The following LINGO2 variants were observed in gnomAD, a reference collection of about 807,000 sequenced individuals.
LINGO2 encodes leucine rich repeat and Ig domain containing 2, also known as leucine-rich repeat and immunoglobulin-like domain-containing nogo receptor-interacting protein 2.
LINGO2 carries 14 observed loss-of-function variants against 30.6 expected under a neutral mutation model. The ratio of observed to expected loss-of-function variants is 0.46; its 90% CI spans 0.30 to 0.72. The LOEUF (loss-of-function observed/expected upper bound fraction) is 0.72, where lower values mean the gene tolerates loss of function less well. Ranked by LOEUF, LINGO2 falls within the 30% of genes least tolerant of loss-of-function variation. The pLI is 0.07. For synonymous variants in LINGO2, 317 were observed against 288.5 expected (o/e 1.10, Z -1.00); for missense variants, 729 against 751.7 (o/e 0.97, Z 0.35).
chr9:28,717,342 TAA>T, the LINGO2 span, among the ~76,000 whole-genome samples: 124 of 112,236 alleles, frequency 1.1e-3, no homozygotes, highest in African/African-American at 1.6e-3. Flanking sequence ...GACCCTAATC[TAA>T]AAAAAAAAAA....
At chr9:29,212,297 C>G in the LINGO2 span, among the ~76,000 whole-genome samples, 1 of 151,868 alleles carries the variant, frequency 6.6e-6, no homozygotes, top group Non-Finnish European at 1.5e-5. Context: ...GCTCTCCGCG[C>G]TCACCCCGCC....
the LINGO2 span, among the ~76,000 whole-genome samples, chr9:28,895,847 A>G: frequency 6.6e-6 from 1 of 152,114 alleles, no homozygotes; most frequent in Admixed American, 6.6e-5. Context: ...AGGGGAAAAA[A>G]AACTTCATTT....
intron 4 of LINGO2, among the ~76,000 whole-genome samples, chr9:28,110,074 C>T (rs1374912221): frequency 1.3e-5 from 2 of 152,036 alleles, no homozygotes; most frequent in Admixed American, 1.3e-4. Flanking sequence ...AGAATAGAGA[C>T]CTCAGAAATA....
the LINGO2 span, among the ~76,000 whole-genome samples, chr9:29,074,144 A>C: frequency 0.038 from 5,727 of 152,254 alleles, 136 homozygotes; most frequent in South Asian, 0.094. Flanking sequence ...TTATATTTTA[A>C]CAAGGATGCA....
At chr9:28,452,204 C>G (rs977175000) in intron 2 of LINGO2, among the ~76,000 whole-genome samples, 1 of 151,648 alleles carries the variant, frequency 6.6e-6, no homozygotes, top group Non-Finnish European at 1.5e-5. Flanking sequence ...CAGACAATTA[C>G]TCTCATTTAC....
intron 4 of LINGO2, among the ~76,000 whole-genome samples, chr9:28,052,770 G>A (rs1824735591): frequency 6.6e-6 from 1 of 152,054 alleles, no homozygotes. Flanking sequence ...AAGTGGGAGA[G>A]AAGAGACATC....
intron 5 of LINGO2, among the ~76,000 whole-genome samples, chr9:27,994,411 A>G (rs886603335): frequency 1.4e-4 from 21 of 152,160 alleles, no homozygotes; most frequent in African/African-American, 4.8e-4. Flanking sequence ...AAAGAACCAA[A>G]TAAGTAAAAT....
chr9:28,105,819 G>C (rs1171070000), intron 4 of LINGO2, among the ~76,000 whole-genome samples: 2 of 152,118 alleles, frequency 1.3e-5, no homozygotes, highest in East Asian at 3.9e-4. Context: ...GCCAGGAGGA[G>C]AGCCCTCACA....
chr9:28,239,814 C>T (rs1366635994), intron 4 of LINGO2, among the ~76,000 whole-genome samples: 1 of 152,052 alleles, frequency 6.6e-6, no homozygotes, highest in Non-Finnish European at 1.5e-5. Context: ...AAATAAAGGG[C>T]ATCCAAATTG....
chr9:28,865,563 A>G, the LINGO2 span, among the ~76,000 whole-genome samples: 1 of 152,116 alleles, frequency 6.6e-6, no homozygotes, highest in African/African-American at 2.4e-5. Context: ...CGGGAGGATC[A>G]TGAGGTCAGG....
chr9:28,173,051 A>G (rs1217922271), intron 4 of LINGO2, among the ~76,000 whole-genome samples: 1 of 152,158 alleles, frequency 6.6e-6, no homozygotes, highest in Non-Finnish European at 1.5e-5. Context: ...TGTAATCTGA[A>G]GGCTCCAATT....
intron 5 of LINGO2, among the ~76,000 whole-genome samples, chr9:27,969,307 A>T (rs1820246043): frequency 6.6e-6 from 1 of 152,108 alleles, no homozygotes; most frequent in Non-Finnish European, 1.5e-5. Context: ...AGTATGTACA[A>T]CTAGGTGAAC....
the LINGO2 span, among the ~76,000 whole-genome samples, chr9:28,881,259 G>A: frequency 6.6e-6 from 1 of 152,006 alleles, no homozygotes; most frequent in Admixed American, 6.6e-5. Context: ...GAGTAGCTGG[G>A]ATTACAGGTA....
intron 1 of LINGO2, among the ~76,000 whole-genome samples, chr9:28,661,139 C>T (rs531178963): frequency 1.3e-5 from 2 of 150,518 alleles, no homozygotes; most frequent in East Asian, 1.9e-4. Flanking sequence ...CAATAAGATG[C>T]AGAAAAATAT....
intron 1 of LINGO2, among the ~76,000 whole-genome samples, chr9:28,513,179 C>CA (rs1408970833): frequency 1.3e-5 from 2 of 151,502 alleles, no homozygotes; most frequent in African/African-American, 4.9e-5. Context: ...AACAAACAGG[C>CA]AAAAAAACAA....
intron 4 of LINGO2, among the ~76,000 whole-genome samples, chr9:28,070,941 C>T (rs1425432648): frequency 1.3e-5 from 2 of 152,132 alleles, no homozygotes; most frequent in East Asian, 3.9e-4. Context: ...TATCAAACTC[C>T]TGGTCTCAAG....
rs1429687535 is a variant in LINGO2 at position 28,019,829 on chromosome 9, G to T, written c.-86-7424C>A. Among the ~76,000 whole-genome samples the T allele has an allele frequency of 3.9e-5, 6 of 152,014 alleles. No individual in the cohort carries two copies. In the East Asian group the frequency reaches 9.6e-4, roughly 24 times the overall value. On this transcript the variant is annotated intron_variant, in intron 4 of 5. Coordinates refer to ENST00000379992, the Ensembl canonical transcript of LINGO2. ...GTTTTTTCACCAATTTAACCAACTT[G>T]CTGAGTAACCTTTGGCAAATTCCCC...
At chr9:28,078,162 A>G (rs1012918559) in intron 4 of LINGO2, among the ~76,000 whole-genome samples, 2 of 149,434 alleles carry the variant, frequency 1.3e-5, no homozygotes, top group Non-Finnish European at 1.5e-5. Context: ...GCCAGTGAGA[A>G]GGATGGTCAG....
At chr9:28,827,688 A>C in the LINGO2 span, among the ~76,000 whole-genome samples, 2 of 152,202 alleles carry the variant, frequency 1.3e-5, no homozygotes, top group Non-Finnish European at 2.9e-5. Context: ...AGATGATTTA[A>C]TTAGGTTATT....
Sources: allele counts gnomAD v4.1 joint callset (sites outside exome capture counted in the v4.1 genomes callset), GRCh38; gene constraint gnomAD v4.1.1; transcripts MANE v1.5; gene names NCBI Gene and HGNC (gene_info 2026-07-23, HGNC 2026-07-21).